Variants in LCOR observed in about 807,000 individuals in gnomAD.
LCOR encodes the protein ligand-dependent corepressor.
LCOR carries 14 observed loss-of-function variants against 64.4 expected under a neutral mutation model. The observed-to-expected ratio is 0.22, with a 90% CI of 0.14 to 0.34. LCOR has a LOEUF of 0.34. Ranked by LOEUF, LCOR falls within the 10% of genes least tolerant of loss-of-function variation. The probability of loss-of-function intolerance (pLI) is 1.00; values close to 1 mark genes in which losing one functional copy is unlikely to be tolerated. For missense variants in LCOR, 1,686 were observed against 1,765.3 expected (o/e 0.96, Z 0.80); for synonymous variants, 643 against 642.5 (o/e 1.00, Z -0.01).
At chr10:96,867,364 A>C (rs1845991808) in intron 2 of LCOR, among the ~76,000 whole-genome samples, 1 of 152,140 alleles carries the variant, frequency 6.6e-6, no homozygotes. Context: ...TGTCAGGCTG[A>C]GGTAGGAGGA....
At position 96,845,577 on chromosome 10, in the gene LCOR, C is replaced by T. The variant is rs868271395; in HGVS notation, c.-330+12098C>T. 2.0e-5 allele frequency among the ~76,000 whole-genome samples: 3 copies of T among 146,406 alleles called. No individual in the cohort carries two copies. The South Asian group carries it at 6.7e-4, about 33-fold the overall frequency. Reference sequence around the variant, plus strand: ...TGCCCCCCGGGGTTCATGCCATTCTCCTGCCTCAGCCTCCCCAGTAGCTGG... The same window carrying T: ...TGCCCCCCGGGGTTCATGCCATTCTTCTGCCTCAGCCTCCCCAGTAGCTGG... On this transcript the variant is annotated intron_variant, in intron 2 of 7. Transcript: ENST00000421806.
At chr10:96,867,423 C>T (rs2134400539) in intron 2 of LCOR, among the ~76,000 whole-genome samples, 1 of 152,266 alleles carries the variant, frequency 6.6e-6, no homozygotes, top group African/African-American at 2.4e-5. Flanking sequence ...ATATGGAGAT[C>T]TTGCCTCCCC....
chr10:96,843,115 A>G lies in LCOR; in HGVS notation c.-330+9636A>G, dbSNP rs1353775357. Among the ~76,000 whole-genome samples, 4 of 152,024 alleles carry G rather than the reference A, an allele frequency of 2.6e-5. No individual in the cohort carries two copies. The East Asian group carries it at 7.7e-4, about 29-fold the overall frequency. ...TGGCTACTCCTCTTCCTTCCAGTCA[A>G]TGCAAGCATGTTTTGTTTGTTTTTT... On this transcript the variant is annotated intron_variant, in intron 2 of 7. Transcript: ENST00000421806.
intron 6 of LCOR, among the ~76,000 whole-genome samples, chr10:96,951,447 A>T (rs2134526543): frequency 2.0e-5 from 3 of 152,202 alleles, no homozygotes; most frequent in Admixed American, 2.0e-4. Context: ...TGAATTTTGA[A>T]TCTCTGCAAA....
intron 7 of LCOR, among the ~76,000 whole-genome samples, chr10:96,975,243 A>G (rs1848028341): frequency 6.6e-6 from 1 of 152,240 alleles, no homozygotes; most frequent in Non-Finnish European, 1.5e-5. Context: ...GAAGCTGGAT[A>G]ACTTTGAGGC....
At chr10:96,942,792 C>T (rs1310002580) in intron 4 of LCOR, among the ~76,000 whole-genome samples, 4 of 152,120 alleles carry the variant, frequency 2.6e-5, no homozygotes, top group Non-Finnish European at 5.9e-5. Context: ...AATTCCTTTT[C>T]ATTGTGCCAA....
At chr10:96,956,357 G>A in intron 7 of LCOR, 1 of 985,806 alleles carries the variant, frequency 1.0e-6, no homozygotes, top group Non-Finnish European at 1.2e-6. Flanking sequence ...ACTGCAAATT[G>A]GAAAGCCATC....
At chr10:96,858,091 CTT>C (rs748250244) in intron 2 of LCOR, among the ~76,000 whole-genome samples, 4 of 152,112 alleles carry the variant, frequency 2.6e-5, no homozygotes, top group Admixed American at 2.0e-4. Flanking sequence ...CCCTTAATGA[CTT>C]TAACACAGTG....
chr10:96,867,643 C>A lies in LCOR; in HGVS notation c.-330+34164C>A, dbSNP rs376205504. On this transcript the variant is annotated intron_variant, in intron 2 of 7. Coordinates refer to ENST00000421806, the MANE Select transcript of LCOR (RefSeq NM_001346516.2). ...ATGTGGTGGCTCACATCTGTAATCC[C>A]TTTGGGAGGCCAAGGCGGGAAGGCG... 2.6e-5 allele frequency among the ~76,000 whole-genome samples: 4 copies of A among 152,158 alleles called. No individual in the cohort carries two copies. In the East Asian group the frequency reaches 5.8e-4, roughly 22 times the overall value.
intron 7 of LCOR, among the ~76,000 whole-genome samples, chr10:96,966,303 A>G (rs1249499353): frequency 8.5e-5 from 11 of 129,718 alleles, no homozygotes; most frequent in African/African-American, 1.2e-4. Flanking sequence ...ATCTCGGCTC[A>G]CTGCAAACTC....
Position 96,949,008 on chromosome 10 carries a change from A to G in LCOR, c.-50A>G. On this transcript the variant is annotated splice_region_variant and 5_prime_UTR_variant, in exon 6 of 8. Coordinates refer to ENST00000421806, the MANE Select transcript of LCOR (RefSeq NM_001346516.2). ...AAAGTAAATAAATCTTTATTTACAG[A>G]CAGTCCCTGGGTCTCCGACCCCAAT... 6.3e-7 allele frequency: 1 copy of G among 1,591,810 alleles called. No individual in the cohort carries two copies. The highest frequency in any genetic ancestry group is 1.1e-5 in the South Asian group (1 of 89,090).
intron 2 of LCOR, among the ~76,000 whole-genome samples, chr10:96,867,415 A>G (rs1564608716): frequency 1.3e-5 from 2 of 152,148 alleles, no homozygotes; most frequent in African/African-American, 2.4e-5. Context: ...TGGGCAACAT[A>G]TGGAGATCTT....
At chr10:96,834,228 G>C (rs904403442) in intron 2 of LCOR, among the ~76,000 whole-genome samples, 1 of 152,178 alleles carries the variant, frequency 6.6e-6, no homozygotes, top group African/African-American at 2.4e-5. Context: ...TAAGGTATCT[G>C]ATACCAGTTT....
chr10:96,837,544 C>T (rs939678491), intron 2 of LCOR, among the ~76,000 whole-genome samples: 11 of 152,156 alleles, frequency 7.2e-5, no homozygotes, highest in South Asian at 4.1e-4. Context: ...CGTGAGCCAC[C>T]GTGCCCGGCC....
chr10:96,851,901 G>A (rs1364429056), intron 2 of LCOR, among the ~76,000 whole-genome samples: 1 of 152,086 alleles, frequency 6.6e-6, no homozygotes, highest in Non-Finnish European at 1.5e-5. Flanking sequence ...ACGTATTAAT[G>A]GTATGTCATA....
At chr10:96,958,657 T>C (rs1589683423) in intron 7 of LCOR, 2 of 552,286 alleles carry the variant, frequency 3.6e-6, no homozygotes, top group South Asian at 2.4e-5. Context: ...TTTTAAACAT[T>C]ACACTTGAGA....
intron 2 of LCOR, among the ~76,000 whole-genome samples, chr10:96,844,924 C>T (rs1845601566): frequency 6.6e-6 from 1 of 152,098 alleles, no homozygotes; most frequent in Non-Finnish European, 1.5e-5. Flanking sequence ...GGTGGAGGGG[C>T]AAACAGGTTA....
chr10:96,983,095 A>G lies in LCOR; in HGVS notation c.2635A>G (p.Thr879Ala). The change falls in exon 8 of 8, where the codon ACT (threonine) becomes GCT (alanine). Residue 879 changes from threonine to alanine, a missense_variant. Physicochemically the swap from Thr to Ala is moderately conservative, Grantham distance 58 (BLOSUM62 0). Around this residue, in one of 3 missense-constraint regions of LCOR, gnomAD observed 1,293 missense variants for 1,410.4 expected, o/e 0.92. Coordinates refer to ENST00000421806, the MANE Select transcript of LCOR (RefSeq NM_001346516.2). The surrounding 1 kb of genome is among the most constrained non-coding windows in gnomAD (Gnocchi z 4.5). ...TCTACCTGACAGTTTCCACACGGAA[A>G]CTCTGGAGGACACAGAAAAGCCAAG... The part of the protein sequence containing the change: ...GLLPDSFHTE[T>A]LEDTEKPSVN... The G allele has an allele frequency of 6.2e-7, 1 of 1,613,458 alleles. No individual in the cohort carries two copies.
rs1417728673 is a variant in LCOR at position 96,989,679 on chromosome 10, A to G, written c.*4545A>G. On this transcript the variant is annotated 3_prime_UTR_variant, in exon 8 of 8. Coordinates refer to ENST00000421806, the MANE Select transcript of LCOR (RefSeq NM_001346516.2). ...TCCAAAAACTCAAGGATAAGGATAT[A>G]TATATATATATATATATTTTTTTTT... 1.6e-5 allele frequency: 1 copy of G among 61,998 alleles called. No homozygotes were observed. The highest frequency in any genetic ancestry group is 3.1e-5 in the Non-Finnish European group (1 of 32,408). 3.8% of individuals were successfully genotyped at this position (61,998 alleles called of 1,614,324 possible).
Sources: gnomAD v4.1 joint callset for allele counts (sites outside exome capture counted in the v4.1 genomes callset) on GRCh38, gnomAD v4.1.1 for gene constraint, gnomAD v4.1.1 regional missense constraint, Gnocchi (gnomAD v3.1) non-coding constraint, MANE v1.5 for transcripts, NCBI Gene and HGNC (gene_info 2026-07-23, HGNC 2026-07-21) for gene names.